The following PTCD2 variants were observed in gnomAD, a reference collection of about 807,000 sequenced individuals.
PTCD2 encodes the protein pentatricopeptide repeat domain 2.
In PTCD2, 31 loss-of-function variants were observed where a neutral mutation model predicts 42.6. That is an observed-to-expected ratio of 0.73 (90% confidence interval 0.55 to 0.98). PTCD2 has a LOEUF of 0.98. Ranked by LOEUF, PTCD2 falls within the 50% of genes least tolerant of loss-of-function variation. PTCD2 has a pLI of 0.00. For synonymous variants in PTCD2, 183 were observed against 170.9 expected (o/e 1.07, Z -0.55); for missense variants, 476 against 454.8 (o/e 1.05, Z -0.42).
intron 9 of PTCD2, 55 bp downstream of exon 9, chr5:72,352,809 A>C: frequency 2.3e-6 from 2 of 884,944 alleles, no homozygotes; most frequent in South Asian, 1.5e-5. Context: ...ACTCTTAAAA[A>C]TGTCCACTAA....
Position 72,343,114 on chromosome 5 carries a change from A to G in PTCD2, c.828+78A>G. 3 of 677,942 alleles carry G rather than the reference A, an allele frequency of 4.4e-6. 1 individual carries two copies. Among genetic ancestry groups the G allele is most frequent in the Non-Finnish European group, 6.5e-6 (3 of 459,814 alleles). The allele number at this position is 677,942 out of a possible 1,614,324, so 42.0% of individuals were successfully genotyped here. A position where few individuals can be genotyped will look rare whatever the true frequency, so the allele number is the denominator to read the frequency against. ...TGTATTATAATAAAATTATACCTAA[A>G]TTTTTTAGCTGTATACAATGACTTG... On this transcript the variant is annotated intron_variant, in intron 8 of 9. Transcript: ENST00000380639.
chr5:72,352,717 CA>C lies in PTCD2; in HGVS notation c.909del (p.Lys303AsnfsTer3). The C allele has an allele frequency of 6.2e-7, 1 of 1,600,210 alleles. No individual in the cohort carries two copies. ...AAAAATGCTGCAGAAGGAAATTTATCAAAATTTGTGAAAAGACATGTGTTCT... is the reference window on the plus strand; with the variant it reads ...AAAAATGCTGCAGAAGGAAATTTATCAAATTTGTGAAAAGACATGTGTTCT... ...TLKNAAEGNL[S>X]KFVKRHVFSE... On this transcript the variant is annotated frameshift_variant, in exon 9 of 10. Transcript: ENST00000380639. LOFTEE classifies it low-confidence loss of function (END_TRUNC).
At chr5:72,357,127 A>G (rs1441416129) in intron 9 of PTCD2, among the ~76,000 whole-genome samples, 1 of 152,140 alleles carries the variant, frequency 6.6e-6, no homozygotes, top group African/African-American at 2.4e-5. Flanking sequence ...CCAGACTTGT[A>G]TATCCAACAA....
At chr5:72,322,963 G>A (rs562977936) in intron 2 of PTCD2, among the ~76,000 whole-genome samples, 57 of 152,258 alleles carry the variant, frequency 3.7e-4, no homozygotes, top group Admixed American at 6.5e-4. Flanking sequence ...AGATCAGCCT[G>A]AGCAGCGTAG....
chr5:72,326,881 A>G, intron 3 of PTCD2, 140 bp downstream of exon 3: 1 of 753,624 alleles, frequency 1.3e-6, no homozygotes, highest in African/African-American at 1.8e-5. Flanking sequence ...CCTACCTTGA[A>G]CTCCAGACAC....
rs1314343746 is a variant in PTCD2 at position 72,326,646 on chromosome 5, C to A, written c.255C>A (p.Thr85=). 3 of 1,613,960 alleles carry A rather than the reference C, an allele frequency of 1.9e-6. No individual in the cohort carries two copies. The highest frequency in any genetic ancestry group is 2.7e-5 in the African/African-American group (2 of 74,902). The change falls in exon 3 of 10, where the codon ACC becomes ACA. Residue 85 remains threonine (T), a synonymous_variant. Coordinates refer to ENST00000380639, the MANE Select transcript of PTCD2 (RefSeq NM_024754.5). ...TTAGAAACTTGAAAAAGAAACTGAC[C>A]CAGAACAAGCTCATCTTGAAGGGGG... ...TYFRNLKKKL[T]QNKLILKGEL...
intron 8 of PTCD2, among the ~76,000 whole-genome samples, chr5:72,346,587 C>G (rs1752370776): frequency 6.6e-6 from 1 of 152,150 alleles, no homozygotes; most frequent in Non-Finnish European, 1.5e-5. Context: ...CCAAGGTTGG[C>G]AAAGGTCCAG....
At chr5:72,336,966 A>G (rs1751785678) in intron 6 of PTCD2, among the ~76,000 whole-genome samples, 1 of 152,200 alleles carries the variant, frequency 6.6e-6, no homozygotes, top group African/African-American at 2.4e-5. Flanking sequence ...TGAAGAATGT[A>G]GCAATACCAG....
At chr5:72,349,302 T>C (rs1482710099) in intron 8 of PTCD2, among the ~76,000 whole-genome samples, 1 of 152,212 alleles carries the variant, frequency 6.6e-6, no homozygotes, top group Non-Finnish European at 1.5e-5. Flanking sequence ...TAACAACTTG[T>C]ACTGATGGTG....
rs1753220208 is a variant in PTCD2, at chr5:72,367,010, G to C, written c.*8583G>C. ...ACTAAAATCACATTTGTGTGTGAAA[G>C]AAGTAAAAAGGAATTAGGATCTTGG... On this transcript the variant is annotated 3_prime_UTR_variant, in exon 10 of 10. Coordinates refer to ENST00000380639, the MANE Select transcript of PTCD2 (RefSeq NM_024754.5). 6.6e-6 allele frequency: 1 copy of C among 152,230 alleles called. No individual in the cohort carries two copies. Among genetic ancestry groups the C allele is most frequent in the African/African-American group, 2.4e-5 (1 of 41,456 alleles). The allele number at this position is 152,230 out of a possible 1,614,324, so 9.4% of individuals were successfully genotyped here.
At position 72,335,041 on chromosome 5, in the gene PTCD2, C is replaced by A; in HGVS notation, c.492C>A (p.Asp164Glu). The A allele has an allele frequency of 6.3e-7, 1 of 1,596,296 alleles. No homozygotes were observed. The highest frequency in any genetic ancestry group is 8.6e-7 in the Non-Finnish European group (1 of 1,164,246). ...KDQHLRGFFS[D>E]STSFNILMDM... The stretch of plus-strand genomic sequence containing the variant: ...AGCATTTACGAGGTTTCTTCTCAGA[C>A]TCCACATCATTCAATATTTTGATGG... Residue 164 changes from aspartate to glutamate, a missense_variant, in exon 5 of 10, where the codon GAC (aspartate) becomes GAA (glutamate). Physicochemically the swap from Asp to Glu is conservative, Grantham distance 45. Transcript: ENST00000380639.
intron 7 of PTCD2, among the ~76,000 whole-genome samples, chr5:72,340,791 C>T (rs553011940): frequency 6.6e-6 from 1 of 150,796 alleles, no homozygotes; most frequent in Non-Finnish European, 1.5e-5. Flanking sequence ...TTTCTGTCTT[C>T]TAGTATGGAA....
chr5:72,346,359 A>G (rs1232980200), intron 8 of PTCD2, among the ~76,000 whole-genome samples: 1 of 152,232 alleles, frequency 6.6e-6, no homozygotes, highest in Non-Finnish European at 1.5e-5. Flanking sequence ...ATGAGGGCTC[A>G]GAAATGAGTT....
intron 1 of PTCD2, 94 bp downstream of exon 1, chr5:72,320,603 C>T (rs889445158): frequency 1.9e-6 from 3 of 1,546,384 alleles, no homozygotes; most frequent in Admixed American, 1.8e-5. Context: ...AGCCACAGCT[C>T]CTAAGTCACT....
intron 8 of PTCD2, among the ~76,000 whole-genome samples, chr5:72,345,623 A>G (rs1280203997): frequency 6.6e-6 from 1 of 152,218 alleles, no homozygotes; most frequent in African/African-American, 2.4e-5. Flanking sequence ...GGGAACTAAT[A>G]AATGTCCATG....
intron 8 of PTCD2, among the ~76,000 whole-genome samples, chr5:72,343,960 A>G (rs1192563926): frequency 6.6e-6 from 1 of 152,224 alleles, no homozygotes; most frequent in Admixed American, 6.5e-5. Flanking sequence ...GTTGAGATGA[A>G]GAAAACATTT....
At chr5:72,341,111 T>C (rs1339531012) in intron 7 of PTCD2, among the ~76,000 whole-genome samples, 1 of 152,040 alleles carries the variant, frequency 6.6e-6, no homozygotes, top group African/African-American at 2.4e-5. Flanking sequence ...ATTACAGGCA[T>C]GCGCCCAGCC....
intron 4 of PTCD2, among the ~76,000 whole-genome samples, chr5:72,332,960 G>A (rs965508079): frequency 1.6e-4 from 25 of 152,098 alleles, no homozygotes; most frequent in Non-Finnish European, 3.4e-4. Context: ...TGGATATAGT[G>A]GGTTAAATAA....
At chr5:72,334,545 T>C (rs1016558535) in intron 4 of PTCD2, among the ~76,000 whole-genome samples, 2 of 82,960 alleles carry the variant, frequency 2.4e-5, no homozygotes, top group Non-Finnish European at 4.8e-5. Flanking sequence ...CATTTTAACT[T>C]TTTTCTTTTT....
Sources: allele counts gnomAD v4.1 joint callset (sites outside exome capture counted in the v4.1 genomes callset), GRCh38; gene constraint gnomAD v4.1.1; transcripts MANE v1.5; gene names NCBI Gene and HGNC (gene_info 2026-07-23, HGNC 2026-07-21).